The following NFIA variants were observed in gnomAD, a reference collection of about 807,000 sequenced individuals.
The protein encoded by NFIA is nuclear factor I A.
In NFIA, 8 loss-of-function variants were observed where a neutral mutation model predicts 62.8. The ratio of observed to expected loss-of-function variants is 0.13; its 90% CI spans 0.07 to 0.23. The LOEUF is 0.23. Ranked by LOEUF, NFIA falls within the 10% of genes least tolerant of loss-of-function variation. The pLI, the probability that NFIA is intolerant of heterozygous loss-of-function variation, is 1.00. For synonymous variants in NFIA, 235 were observed against 238.1 expected, an observed-to-expected ratio of 0.99 and a Z score of 0.12; for missense variants, 410 against 642.1, an observed-to-expected ratio of 0.64 and a Z score of 3.91.
At position 61,461,376 on chromosome 1, in the gene NFIA, T is replaced by G. The variant is rs1013219466; in HGVS notation, c.*6056T>G. 5 of 152,330 alleles carry G rather than the reference T, an allele frequency of 3.3e-5. No individual in the cohort carries two copies. The East Asian group carries it at 5.8e-4, about 18-fold the overall frequency. 9.4% of individuals were successfully genotyped at this position (152,330 alleles called of 1,614,324 possible). On this transcript the variant is annotated 3_prime_UTR_variant, in exon 11 of 11. Transcript: ENST00000403491. ...CAAAAATAAAACTCTGTACAAACTT[T>G]GGGCCCGATTCATAAGAAAAAGAAG...
intron 2 of NFIA, among the ~76,000 whole-genome samples, chr1:61,264,557 G>A (rs1044492754): frequency 2.7e-5 from 4 of 150,392 alleles, no homozygotes; most frequent in Non-Finnish European, 3.0e-5. Context: ...AGGCTGAGAC[G>A]GGAGAATTGC....
At chr1:61,225,943 C>G (rs1030286820) in intron 2 of NFIA, among the ~76,000 whole-genome samples, 1 of 152,118 alleles carries the variant, frequency 6.6e-6, no homozygotes, top group African/African-American at 2.4e-5. Flanking sequence ...GGACCATAAA[C>G]TTATATTTAA....
At chr1:61,334,597 A>ACCAG in intron 4 of NFIA, among the ~76,000 whole-genome samples, 1 of 96,486 alleles carries the variant, frequency 1.0e-5, no homozygotes, top group African/African-American at 4.0e-5. Context: ...ATATATATAT[A>ACCAG]TATATATATA....
chr1:61,246,494 C>G (rs1300103232), intron 2 of NFIA, among the ~76,000 whole-genome samples: 1 of 152,052 alleles, frequency 6.6e-6, no homozygotes, highest in Non-Finnish European at 1.5e-5. Flanking sequence ...AGAAACAGAA[C>G]CCCTGCATGA....
intron 2 of NFIA, among the ~76,000 whole-genome samples, chr1:61,142,418 A>T (rs1647601920): frequency 1.3e-5 from 2 of 152,176 alleles, no homozygotes; most frequent in South Asian, 4.1e-4. Flanking sequence ...TAGATTCCAC[A>T]TTTTAAAATT....
At chr1:61,192,234 G>C (rs964781751) in intron 2 of NFIA, among the ~76,000 whole-genome samples, 4 of 152,138 alleles carry the variant, frequency 2.6e-5, no homozygotes, top group Non-Finnish European at 5.9e-5. Flanking sequence ...ACAGGTGTGA[G>C]CCACAGTGCA....
intron 6 of NFIA, among the ~76,000 whole-genome samples, chr1:61,362,167 T>C (rs1423561164): frequency 6.6e-6 from 1 of 152,160 alleles, no homozygotes; most frequent in Admixed American, 6.5e-5. Context: ...AATCCCCTTT[T>C]TGGCACAGAG....
chr1:61,250,903 T>C (rs1477413560), intron 2 of NFIA: 1 of 152,200 alleles, frequency 6.6e-6, no homozygotes, highest in East Asian at 1.9e-4. Flanking sequence ...CTGAAACTAA[T>C]TTTACTTTTG....
chr1:61,299,727 G>T (rs575439588), intron 3 of NFIA, among the ~76,000 whole-genome samples: 1 of 152,228 alleles, frequency 6.6e-6, no homozygotes, highest in East Asian at 1.9e-4. Context: ...GTATTACAAT[G>T]CTCTGTTTTT....
intron 3 of NFIA, among the ~76,000 whole-genome samples, chr1:61,293,469 C>A (rs183721666): frequency 9.5e-4 from 144 of 152,334 alleles, no homozygotes; most frequent in African/African-American, 3.4e-3. Flanking sequence ...TGAACAGTTT[C>A]AAATACGCCA....
intron 2 of NFIA, among the ~76,000 whole-genome samples, chr1:61,276,737 A>T (rs1014741809): frequency 2.0e-5 from 3 of 152,114 alleles, no homozygotes; most frequent in African/African-American, 4.8e-5. Context: ...AAATTAAGTT[A>T]CTTTGATTTT....
intron 2 of NFIA, among the ~76,000 whole-genome samples, chr1:61,209,495 C>G (rs1653105826): frequency 6.6e-6 from 1 of 152,064 alleles, no homozygotes; most frequent in African/African-American, 2.4e-5. Flanking sequence ...AAACAAACAT[C>G]TTTATTTTTA....
chr1:61,424,539 C>T (rs1666781215), intron 9 of NFIA, among the ~76,000 whole-genome samples: 1 of 152,142 alleles, frequency 6.6e-6, no homozygotes, highest in Non-Finnish European at 1.5e-5. Flanking sequence ...CACTCATAGA[C>T]TTCATACCTT....
chr1:61,267,336 C>T (rs1657235601), intron 2 of NFIA, among the ~76,000 whole-genome samples: 3 of 151,848 alleles, frequency 2.0e-5, no homozygotes, highest in Non-Finnish European at 4.4e-5. Flanking sequence ...TGGTGAAACC[C>T]TGTCTCTACC....
intron 2 of NFIA, among the ~76,000 whole-genome samples, chr1:61,243,153 T>C (rs541764489): frequency 6.6e-6 from 1 of 152,126 alleles, no homozygotes; most frequent in Non-Finnish European, 1.5e-5. Flanking sequence ...CCAAATGTTA[T>C]TGACAGAGCT....
intron 2 of NFIA, among the ~76,000 whole-genome samples, chr1:61,128,188 A>T (rs945528067): frequency 3.3e-5 from 5 of 152,076 alleles, no homozygotes; most frequent in Non-Finnish European, 7.4e-5. Flanking sequence ...GGCCTCAAGG[A>T]TGTTCCTGCC....
intron 2 of NFIA, among the ~76,000 whole-genome samples, chr1:61,135,512 C>A (rs1488066994): frequency 6.6e-6 from 1 of 152,136 alleles, no homozygotes; most frequent in South Asian, 2.1e-4. Flanking sequence ...TCAAGCAATC[C>A]TCCCATGTCA....
chr1:61,112,505 G>T (rs191583412), intron 2 of NFIA, among the ~76,000 whole-genome samples: 7 of 152,216 alleles, frequency 4.6e-5, no homozygotes, highest in Non-Finnish European at 1.0e-4. Context: ...GATGGTCAAA[G>T]GTTTCTTTTG....
upstream of NFIA, among the ~76,000 whole-genome samples, chr1:61,080,286 T>TAA (rs113530690): frequency 7.0e-5 from 10 of 143,116 alleles, no homozygotes; most frequent in African/African-American, 2.3e-4. Flanking sequence ...CTTCCCCCAT[T>TAA]AAAAAAAAAA....
Sources: gnomAD v4.1 joint callset for allele counts (sites outside exome capture counted in the v4.1 genomes callset) on GRCh38, gnomAD v4.1.1 for gene constraint, MANE v1.5 for transcripts, NCBI Gene and HGNC (gene_info 2026-07-23, HGNC 2026-07-21) for gene names.